Variants in CAST observed in about 807,000 individuals in gnomAD.
CAST encodes calpastatin.
A neutral mutation model predicts 119.6 loss-of-function variants in CAST; 76 were observed. The observed-to-expected ratio is 0.64, with a 90% confidence interval of 0.53 to 0.77. CAST has a LOEUF of 0.77. Ranked by LOEUF, CAST falls within the 30% of genes least tolerant of loss-of-function variation. The probability of loss-of-function intolerance (pLI) is 0.00; values close to 1 mark genes in which losing one functional copy is unlikely to be tolerated. For synonymous variants in CAST, 319 were observed against 331.6 expected (o/e 0.96, Z 0.41); for missense variants, 953 against 946.5 (o/e 1.01, Z -0.09).
chr5:96,429,444 TA>T, the CAST span: 17 of 637,434 alleles, frequency 2.7e-5, no homozygotes, highest in Admixed American at 8.3e-5. Flanking sequence ...CTGAAATTAA[TA>T]TTTTTTTTCT....
the CAST span, among the ~76,000 whole-genome samples, chr5:96,406,729 A>T: frequency 6.6e-6 from 1 of 152,258 alleles, no homozygotes; most frequent in African/African-American, 2.4e-5. Context: ...TGAATATGAC[A>T]TAAGGACACT....
chr5:96,740,522 C>T (rs1048576141), intron 12 of CAST, among the ~76,000 whole-genome samples: 3 of 152,004 alleles, frequency 2.0e-5, no homozygotes, highest in Non-Finnish European at 4.4e-5. Flanking sequence ...TATAAGGACG[C>T]GCATCATATT....
chr5:96,741,036 A>AATAATAGAATGAGTT, intron 13 of CAST: 1 of 594,876 alleles, frequency 1.7e-6, no homozygotes, highest in East Asian at 2.8e-5. Context: ...GCATGTTCAT[A>AATAATAGAATGAGTT]ATAATAGAAT....
the CAST span, among the ~76,000 whole-genome samples, chr5:96,197,470 C>A: frequency 6.6e-6 from 1 of 152,118 alleles, no homozygotes; most frequent in African/African-American, 2.4e-5. Context: ...TTATTTTACC[C>A]AAGGAAGGGA....
intron 1 of CAST, among the ~76,000 whole-genome samples, chr5:96,648,205 C>T (rs1280465868): frequency 6.6e-6 from 1 of 152,174 alleles, no homozygotes; most frequent in African/African-American, 2.4e-5. Context: ...ACTTACCACC[C>T]TCTTTTTGCT....
At chr5:96,191,905 A>T in the CAST span, among the ~76,000 whole-genome samples, 1 of 152,250 alleles carries the variant, frequency 6.6e-6, no homozygotes, top group Non-Finnish European at 1.5e-5. Context: ...AGATATTTTA[A>T]GAAGAGTCAA....
chr5:96,562,919 A>T (rs565719562), intron 1 of CAST, among the ~76,000 whole-genome samples: 83 of 152,322 alleles, frequency 5.4e-4, no homozygotes, highest in African/African-American at 2.0e-3. Flanking sequence ...CAGAAGCAGG[A>T]AGTTTTCTCT....
intron 3 of CAST, among the ~76,000 whole-genome samples, chr5:96,700,684 G>C (rs1371446259): frequency 6.6e-6 from 1 of 152,160 alleles, no homozygotes; most frequent in East Asian, 1.9e-4. Context: ...TTAAAATGCA[G>C]ATTCTCAGGT....
the CAST span, among the ~76,000 whole-genome samples, chr5:96,090,448 C>A: frequency 6.6e-6 from 1 of 152,040 alleles, no homozygotes; most frequent in South Asian, 2.1e-4. Flanking sequence ...CAGAGCTCCC[C>A]AAGCTAGCTT....
chr5:96,077,991 A>T, the CAST span, among the ~76,000 whole-genome samples: 2 of 152,170 alleles, frequency 1.3e-5, no homozygotes, highest in Admixed American at 6.5e-5. Context: ...TTTTTTTCTT[A>T]GGTGAGATTT....
At chr5:96,004,408 A>T in the CAST span, among the ~76,000 whole-genome samples, 2 of 152,338 alleles carry the variant, frequency 1.3e-5, no homozygotes, top group South Asian at 4.1e-4. Flanking sequence ...TTATTGGTAA[A>T]GGTCATGATG....
the CAST span, among the ~76,000 whole-genome samples, chr5:96,326,231 C>G: frequency 6.6e-6 from 1 of 152,158 alleles, no homozygotes; most frequent in African/African-American, 2.4e-5. Flanking sequence ...CTAGTCCACC[C>G]TTTCCCAATC....
chr5:96,386,944 A>C, the CAST span, among the ~76,000 whole-genome samples: 1 of 152,210 alleles, frequency 6.6e-6, no homozygotes. Flanking sequence ...CAGCCTGGGC[A>C]ACAGAGCAAA....
At chr5:96,733,819 G>A (rs1246461995) in intron 9 of CAST, among the ~76,000 whole-genome samples, 5 of 152,178 alleles carry the variant, frequency 3.3e-5, no homozygotes, top group African/African-American at 9.7e-5. Context: ...AGAGGTTGCG[G>A]TGAGCCAAGA....
At chr5:96,202,706 G>A in the CAST span, among the ~76,000 whole-genome samples, 1,104 of 152,148 alleles carry the variant, frequency 7.3e-3, 19 homozygotes, top group African/African-American at 0.026. Context: ...TTGATAAATG[G>A]TGCTTAACCA....
At chr5:96,297,217 G>T in the CAST span, among the ~76,000 whole-genome samples, 4 of 152,294 alleles carry the variant, frequency 2.6e-5, no homozygotes, top group African/African-American at 9.6e-5. Context: ...TTTTGAGCAG[G>T]GAATTAATAT....
upstream of CAST, among the ~76,000 whole-genome samples, chr5:96,521,255 A>G (rs1489003110): frequency 6.6e-6 from 1 of 152,200 alleles, no homozygotes; most frequent in East Asian, 1.9e-4. Context: ...TCTGCTGCTT[A>G]AAACCCTTCA....
At chr5:96,329,073 T>C in the CAST span, among the ~76,000 whole-genome samples, 1 of 152,240 alleles carries the variant, frequency 6.6e-6, no homozygotes, top group Non-Finnish European at 1.5e-5. Flanking sequence ...GCCTTATTAT[T>C]ACAAGCTTAT....
chr5:96,381,974 C>T, the CAST span, among the ~76,000 whole-genome samples: 2 of 152,054 alleles, frequency 1.3e-5, no homozygotes, highest in Non-Finnish European at 2.9e-5. Flanking sequence ...TATAATGTGG[C>T]GTTAAATAAA....
Sources: gnomAD v4.1 joint callset for allele counts (sites outside exome capture counted in the v4.1 genomes callset) on GRCh38, gnomAD v4.1.1 for gene constraint, MANE v1.5 for transcripts, NCBI Gene and HGNC (gene_info 2026-07-23, HGNC 2026-07-21) for gene names.